The following CD3G variants were observed in gnomAD, a reference collection of about 807,000 sequenced individuals.
CD3G encodes T-cell surface glycoprotein CD3 gamma chain.
In CD3G, 24 loss-of-function variants were observed where a neutral mutation model predicts 28.3. The observed-to-expected ratio is 0.85, with a 90% CI of 0.61 to 1.19. The LOEUF (loss-of-function observed/expected upper bound fraction) is 1.19. Ranked by LOEUF, CD3G falls within the 50% of genes most tolerant of loss-of-function variation. CD3G has a pLI of 0.00. For synonymous variants in CD3G, 71 were observed against 75.9 expected (o/e 0.93, Z 0.34); for missense variants, 211 against 210.0 (o/e 1.00, Z -0.03).
Position 118,351,607 on chromosome 11 carries a change from TTC to T in CD3G, c.440-19_440-18del, listed in dbSNP as rs1322603987. ...TATTATGCATTCTACCTTGTGTGGATTCTGTTTCTTTTTTGTGCAGCTTCAGA... is the reference window on the plus strand; with the variant it reads ...TATTATGCATTCTACCTTGTGTGGATTGTTTCTTTTTTGTGCAGCTTCAGA... On this transcript the variant is annotated intron_variant, in intron 4 of 6. Coordinates refer to ENST00000532917, the MANE Select transcript of CD3G (RefSeq NM_000073.3). The T allele has an allele frequency of 6.2e-7, 1 of 1,613,332 alleles. No homozygotes were observed. Among genetic ancestry groups the T allele is most frequent in the Middle Eastern group, 1.6e-4 (1 of 6,078 alleles).
chr11:118,350,891 A>G (rs1948402618), intron 4 of CD3G: 1 of 1,112,346 alleles, frequency 9.0e-7, no homozygotes, highest in Non-Finnish European at 1.1e-6. Context: ...CCCTCTGTGA[A>G]AAAAAAAAAA....
chr11:118,349,005 T>C, intron 1 of CD3G, 22 bp from the exon 2 acceptor site: 2 of 1,614,018 alleles, frequency 1.2e-6, no homozygotes, highest in Non-Finnish European at 1.7e-6. Context: ...GCTAATACTC[T>C]ATCTCTCTTC....
intron 4 of CD3G, 40 bp from the exon 5 acceptor site, chr11:118,351,588 G>T: frequency 1.2e-6 from 2 of 1,605,174 alleles, no homozygotes; most frequent in Non-Finnish European, 1.7e-6. Flanking sequence ...AATTTATTAT[G>T]CATTCTACCT....
intron 4 of CD3G, chr11:118,350,889 G>GATAAAAAAAAAAAA (rs1948402017): frequency 1.9e-6 from 1 of 523,510 alleles, no homozygotes; most frequent in Non-Finnish European, 2.4e-6. Context: ...CTCCCTCTGT[G>GATAAAAAAAAAAAA]AAAAAAAAAA....
Position 118,349,766 on chromosome 11 carries a change from G to T in CD3G, c.103G>T (p.Asp35Tyr). ...IKGNHLVKVY[D>Y]YQEDGSVLLT... ...AGGAAACCACTTGGTTAAGGTGTATGACTATCAAGAAGATGGTTCGGTACT... is the reference window on the plus strand; with the variant it reads ...AGGAAACCACTTGGTTAAGGTGTATTACTATCAAGAAGATGGTTCGGTACT... The change falls in exon 3 of 7, where the codon GAC (aspartate) becomes TAC (tyrosine). Residue 35 changes from aspartate (D) to tyrosine (Y), a missense_variant. By Grantham distance (160) the Asp-to-Tyr change is radical (BLOSUM62 -3). Coordinates refer to ENST00000532917, the MANE Select transcript of CD3G (RefSeq NM_000073.3). 6.2e-7 allele frequency: 1 copy of T among 1,613,972 alleles called. No homozygotes were observed. Among genetic ancestry groups the T allele is most frequent in the South Asian group, 1.1e-5 (1 of 91,058 alleles).
At chr11:118,351,716 G>A (rs2134072116) in intron 5 of CD3G, 45 bp downstream of exon 5, 4 of 1,587,276 alleles carry the variant, frequency 2.5e-6, no homozygotes, top group Admixed American at 1.7e-5. Context: ...AATTAGTGGG[G>A]GTAAATCTTT....
In CD3G at chr11:118,349,801, T is replaced by A. The variant is rs755772753; in HGVS notation, c.138T>A (p.Cys46Ter). The change falls in exon 3 of 7, where the codon TGT (cysteine) becomes TGA (stop). Residue 46 changes from cysteine to a stop codon, truncating the protein, a stop_gained. Transcript: ENST00000532917. LOFTEE classifies it high-confidence loss of function. ...YQEDGSVLLT[C>*]DAEAKNITWF... ...AAGATGGTTCGGTACTTCTGACTTG[T>A]GATGCAGAAGCCAAAAATATCACAT... 1.9e-6 allele frequency: 3 copies of A among 1,613,920 alleles called. No homozygotes were observed. The highest frequency in any genetic ancestry group is 1.7e-6 in the Non-Finnish European group (2 of 1,180,004).
chr11:118,344,541 T>C, intron 1 of CD3G, 63 bp downstream of exon 1: 3 of 1,351,332 alleles, frequency 2.2e-6, no homozygotes, highest in Non-Finnish European at 3.1e-6. Flanking sequence ...CCATCACTAG[T>C]GAGACAGGAA....
At position 118,354,326 on chromosome 11, in the gene CD3G, G is replaced by A. The variant is rs1471520104; in HGVS notation, c.*1226G>A. 8.1e-6 allele frequency: 1 copy of A among 123,306 alleles called. No homozygotes were observed. The highest frequency in any genetic ancestry group is 1.7e-5 in the Non-Finnish European group (1 of 60,552). The allele number at this position is 123,306 out of a possible 1,614,324, so 7.6% of individuals were successfully genotyped here. On this transcript the variant is annotated 3_prime_UTR_variant, in exon 7 of 7. Transcript: ENST00000532917. ...TTTCTTTTTTTTTTTTTTTTGAAGTGGAATCTTGCTCTGTGGCCCAGGCTG... is the reference window on the plus strand; with the variant it reads ...TTTCTTTTTTTTTTTTTTTTGAAGTAGAATCTTGCTCTGTGGCCCAGGCTG...
intron 5 of CD3G, 73 bp from the exon 6 acceptor site, chr11:118,352,331 A>G (rs1948417540): frequency 2.4e-6 from 3 of 1,264,856 alleles, no homozygotes; most frequent in Non-Finnish European, 2.3e-6. Context: ...TATAAAAAAC[A>G]TTCAATAAAC....
chr11:118,351,656 T>C lies in CD3G; in HGVS notation c.468T>C (p.Asn156=). The C allele has an allele frequency of 6.2e-7, 1 of 1,614,066 alleles. No individual in the cohort carries two copies. The highest frequency in any genetic ancestry group is 1.1e-5 in the South Asian group (1 of 91,078). ...RASDKQTLLP[N]DQLYQPLKDR... ...CAGACAAGCAGACTCTGTTGCCCAA[T>C]GACCAGCTCTACCAGGTAAGGGGAT... is the stretch of plus-strand genomic sequence containing the variant. Residue 156 remains asparagine (N), a synonymous_variant, in exon 5 of 7, where the codon AAT becomes AAC. Coordinates refer to ENST00000532917, the MANE Select transcript of CD3G (RefSeq NM_000073.3).
chr11:118,346,373 G>A (rs554348661), intron 1 of CD3G, among the ~76,000 whole-genome samples: 2 of 152,188 alleles, frequency 1.3e-5, no homozygotes, highest in African/African-American at 4.8e-5. Flanking sequence ...GGAGATGGAG[G>A]TTGCAGTGAG....
In CD3G at chr11:118,352,400, C is replaced by G. The variant is rs1565523004; in HGVS notation, c.484-4C>G. On this transcript the variant is annotated splice_polypyrimidine_tract_variant and splice_region_variant and intron_variant, in intron 5 of 6. Coordinates refer to ENST00000532917, the MANE Select transcript of CD3G (RefSeq NM_000073.3). ...ATGACTTATGACTGTGCTGTCCTTT[C>G]CAGCCCCTCAAGGATCGAGAAGATG... The G allele has an allele frequency of 6.2e-7, 1 of 1,613,308 alleles. No homozygotes were observed.
chr11:118,347,028 C>G (rs1484806601), intron 1 of CD3G, among the ~76,000 whole-genome samples: 1 of 152,094 alleles, frequency 6.6e-6, no homozygotes, highest in Non-Finnish European at 1.5e-5. Context: ...AAATAAAGTT[C>G]CTACCATGTT....
At chr11:118,347,746 G>C (rs1948370111) in intron 1 of CD3G, among the ~76,000 whole-genome samples, 1 of 152,150 alleles carries the variant, frequency 6.6e-6, no homozygotes, top group African/African-American at 2.4e-5. Flanking sequence ...CACCTCCTGA[G>C]TAGCTGGGAC....
rs1370884805 is a variant in CD3G at position 118,354,686 on chromosome 11, A to G, written c.*1586A>G. ...TATGGATTTAATATGGTATTTTATT[A>G]TGGCCTTAATTTGCATTTCCCTAGA... On this transcript the variant is annotated 3_prime_UTR_variant, in exon 7 of 7. Transcript: ENST00000532917. The G allele has an allele frequency of 2.0e-5, 3 of 151,988 alleles. No individual in the cohort carries two copies. Among genetic ancestry groups the G allele is most frequent in the East Asian group, 1.9e-4 (1 of 5,200 alleles). The allele number at this position is 151,988 out of a possible 1,614,324, so 9.4% of individuals were successfully genotyped here.
chr11:118,352,483 A>G lies in CD3G; in HGVS notation c.*14A>G. On this transcript the variant is annotated 3_prime_UTR_variant, in exon 6 of 7. Coordinates refer to ENST00000532917, the MANE Select transcript of CD3G (RefSeq NM_000073.3). ...AGGAGGAATTGAACTCAGGACTCAGAGTAGGTGGGTTCTTCAATGCCAATT... is the reference window on the plus strand; with the variant it reads ...AGGAGGAATTGAACTCAGGACTCAGGGTAGGTGGGTTCTTCAATGCCAATT... The G allele has an allele frequency of 6.2e-7, 1 of 1,609,006 alleles. No homozygotes were observed. The highest frequency in any genetic ancestry group is 8.5e-7 in the Non-Finnish European group (1 of 1,175,592).
intron 3 of CD3G, 39 bp from the exon 4 acceptor site, chr11:118,350,513 T>C: frequency 1.3e-6 from 2 of 1,529,130 alleles, no homozygotes; most frequent in Non-Finnish European, 1.8e-6. Flanking sequence ...GAAAAACAAC[T>C]TTCGCAACCT....
chr11:118,349,704 G>C (rs1281895835), intron 2 of CD3G, 39 bp from the exon 3 acceptor site: 1 of 1,483,900 alleles, frequency 6.7e-7, no homozygotes, highest in Admixed American at 1.7e-5. Flanking sequence ...AATTTCAGAG[G>C]CAAGATCCTT....
Sources: gnomAD v4.1 joint callset for allele counts (sites outside exome capture counted in the v4.1 genomes callset) on GRCh38, gnomAD v4.1.1 for gene constraint, MANE v1.5 for transcripts, NCBI Gene and HGNC (gene_info 2026-07-23, HGNC 2026-07-21) for gene names.